The following CNGB1 variants were observed in gnomAD, a reference collection of about 807,000 sequenced individuals.
The protein encoded by CNGB1 is cyclic nucleotide gated channel subunit beta 1, also known as cyclic nucleotide-gated channel beta-1.
CNGB1 carries 126 observed loss-of-function variants against 151.7 expected under a neutral mutation model. That is an observed-to-expected ratio of 0.83 (90% CI 0.72 to 0.96). The LOEUF (loss-of-function observed/expected upper bound fraction) is 0.96. Ranked by LOEUF, CNGB1 falls within the 40% of genes least tolerant of loss-of-function variation. The probability of loss-of-function intolerance (pLI) is 0.00; values close to 1 mark genes in which losing one functional copy is unlikely to be tolerated. For synonymous variants in CNGB1, 623 were observed against 635.1 expected (o/e 0.98, Z 0.29); for missense variants, 1,698 against 1,627.0 (o/e 1.04, Z -0.75).
intron 31 of CNGB1, among the ~76,000 whole-genome samples, chr16:57,889,342 T>A (rs1960024377): frequency 6.6e-6 from 1 of 152,128 alleles, no homozygotes; most frequent in Non-Finnish European, 1.5e-5. Flanking sequence ...CCAGCTGTGT[T>A]GGAGAAGGCC....
chr16:57,884,560 G>A, intron 32 of CNGB1, 103 bp from the exon 33 acceptor site: 1 of 1,314,550 alleles, frequency 7.6e-7, no homozygotes, highest in Non-Finnish European at 1.1e-6. Flanking sequence ...CCCCAAAGAG[G>A]GCAGCGGAAC....
chr16:57,890,401 G>A (rs1056452920), intron 31 of CNGB1, among the ~76,000 whole-genome samples: 3 of 152,186 alleles, frequency 2.0e-5, no homozygotes, highest in Non-Finnish European at 4.4e-5. Flanking sequence ...AATTCATGAT[G>A]TGACAGCCCA....
chr16:57,917,553 G>T lies in CNGB1; in HGVS notation c.1958-77C>A. 4.2e-6 allele frequency: 6 copies of T among 1,428,336 alleles called. No homozygotes were observed. In the South Asian group the frequency reaches 4.6e-5, roughly 11 times the overall value. The allele number at this position is 1,428,336 out of a possible 1,614,324, so 88.5% of individuals were successfully genotyped here. A position where few individuals can be genotyped will look rare whatever the true frequency, so the allele number is the denominator to read the frequency against. ...CACCAGTTGGATCAGGTAGGGTTTT[G>T]TTCTTTCTACTCCTTCAACTACTAC... On this transcript the variant is annotated intron_variant, in intron 20 of 32. Coordinates refer to ENST00000251102, the MANE Select transcript of CNGB1 (RefSeq NM_001297.5).
chr16:57,960,282 C>T (rs1228353294), intron 9 of CNGB1, among the ~76,000 whole-genome samples, 200 bp downstream of exon 9: 1 of 152,200 alleles, frequency 6.6e-6, no homozygotes, highest in Non-Finnish European at 1.5e-5. Context: ...AAGTCTGTTC[C>T]AGGACACTGG....
chr16:57,921,948 CA>C (rs1961048411), intron 18 of CNGB1, among the ~76,000 whole-genome samples: 1 of 152,222 alleles, frequency 6.6e-6, no homozygotes, highest in Admixed American at 6.5e-5. Flanking sequence ...CTAGCTAATA[CA>C]TGGGTCTCCA....
rs765061130 is a variant in CNGB1 at position 57,897,872 on chromosome 16, C to T, written c.3019G>A (p.Val1007Met). ...REMYIIQAGQ[V>M]QVLGGPDGKS... ...CCATCAGGGCCGCCCAAGACCTGCA[C>T]TTGCCCTGCCTGGATGATGTACATC... Residue 1007 changes from valine (V) to methionine (M), a missense_variant, in exon 30 of 33, where the codon GTG (valine) becomes ATG (methionine). Physicochemically the swap from Val to Met is conservative, Grantham distance 21. Coordinates refer to ENST00000251102, the MANE Select transcript of CNGB1 (RefSeq NM_001297.5). 6.2e-7 allele frequency: 1 copy of T among 1,614,254 alleles called. No individual in the cohort carries two copies. Among genetic ancestry groups the T allele is most frequent in the Non-Finnish European group, 8.5e-7 (1 of 1,180,042 alleles).
At chr16:57,930,809 TAGAAAC>T (rs1961325766) in intron 17 of CNGB1, among the ~76,000 whole-genome samples, 1 of 152,002 alleles carries the variant, frequency 6.6e-6, no homozygotes, top group African/African-American at 2.4e-5. Flanking sequence ...GTCAAGCTCA[TAGAAAC>T]AGAAAGTAGA....
chr16:57,940,201 C>T, intron 15 of CNGB1, 33 bp downstream of exon 15: 1 of 1,540,866 alleles, frequency 6.5e-7, no homozygotes. Flanking sequence ...CAAGCCAGGC[C>T]TCAGAGGTGC....
Position 57,897,367 on chromosome 16 carries a change from T to C in CNGB1, c.3242+30A>G, listed in dbSNP as rs143936383. 487 of 1,613,762 alleles carry C rather than the reference T, an allele frequency of 3.0e-4. 8 individuals are homozygous for C. The South Asian group carries it at 5.1e-3, about 17-fold the overall frequency. ...AGAGAAATTCATTGTCCTTAGCAAT[T>C]TTTTATTAAACGAAAGAAAAGTTAC... On this transcript the variant is annotated intron_variant, in intron 31 of 32. Coordinates refer to ENST00000251102, the MANE Select transcript of CNGB1 (RefSeq NM_001297.5).
chr16:57,912,823 T>C, intron 24 of CNGB1, 107 bp downstream of exon 24: 1 of 1,088,092 alleles, frequency 9.2e-7, no homozygotes, highest in Non-Finnish European at 1.4e-6. Flanking sequence ...GTGTGTGTCG[T>C]GTGTGTGTTG....
rs1962326589 is a variant in CNGB1, at chr16:57,964,073, T to G, written c.290+57A>C. 57 of 1,535,712 alleles carry G rather than the reference T, an allele frequency of 3.7e-5. 1 individual carries two copies. The South Asian group carries it at 6.3e-4, about 17-fold the overall frequency. Reference sequence around the variant, plus strand: ...ACCCCCATCCCCAGGGCTCCCTAGCTGGGAGGGTAGTTGGGAGGCGGGCTG... The same window carrying G: ...ACCCCCATCCCCAGGGCTCCCTAGCGGGGAGGGTAGTTGGGAGGCGGGCTG... On this transcript the variant is annotated intron_variant, in intron 4 of 32. Coordinates refer to ENST00000251102, the MANE Select transcript of CNGB1 (RefSeq NM_001297.5).
At chr16:57,897,950 C>T (rs776483120) in intron 29 of CNGB1, 36 bp from the exon 30 acceptor site, 14 of 1,605,554 alleles carry the variant, frequency 8.7e-6, no homozygotes, top group Non-Finnish European at 1.1e-5. Context: ...TCTGTTCATC[C>T]CCCAAAGTCA....
intron 20 of CNGB1, 73 bp downstream of exon 20, chr16:57,919,026 C>T: frequency 6.2e-7 from 1 of 1,608,300 alleles, no homozygotes; most frequent in Non-Finnish European, 8.5e-7. Context: ...TCCCCTGACC[C>T]TCTCCCCATC....
intron 17 of CNGB1, among the ~76,000 whole-genome samples, chr16:57,923,844 C>A (rs949922276): frequency 6.6e-6 from 1 of 152,186 alleles, no homozygotes; most frequent in African/African-American, 2.4e-5. Context: ...TATCACACCA[C>A]CTTTTCAGCT....
chr16:57,917,381 G>A lies in CNGB1; in HGVS notation c.2053C>T (p.Pro685Ser), dbSNP rs1308922108. The change falls in exon 21 of 33, where the codon CCG (proline) becomes TCG (serine). Residue 685 changes from proline (P) to serine (S), a missense_variant. Physicochemically the swap from Pro to Ser is moderately conservative, Grantham distance 74. Coordinates refer to ENST00000251102, the MANE Select transcript of CNGB1 (RefSeq NM_001297.5). ...PVRWAFPYQT[P>S]DNIHHWLLMD... The stretch of plus-strand genomic sequence containing the variant: ...AGCAGCCAGTGGTGGATGTTGTCCG[G>A]GGTCTGGTAGGGGAAGGCCCAGCGC... 1.2e-6 allele frequency: 2 copies of A among 1,613,964 alleles called. No homozygotes were observed. Among genetic ancestry groups the A allele is most frequent in the Non-Finnish European group, 1.7e-6 (2 of 1,180,040 alleles).
chr16:57,931,632 T>A, intron 17 of CNGB1, 84 bp downstream of exon 17: 3 of 1,486,562 alleles, frequency 2.0e-6, no homozygotes, highest in Non-Finnish European at 2.8e-6. Flanking sequence ...CAGCTGCTTC[T>A]CCCTCTGGCC....
chr16:57,945,419 T>C (rs1961781884), intron 14 of CNGB1, among the ~76,000 whole-genome samples: 4 of 152,228 alleles, frequency 2.6e-5, no homozygotes. Flanking sequence ...GGGTCCTGCT[T>C]ATTCCAGTGT....
At chr16:57,925,079 T>C (rs247066) in intron 17 of CNGB1, among the ~76,000 whole-genome samples, 83,266 of 151,994 alleles carry the variant, frequency 0.55, 23,019 homozygotes, top group South Asian at 0.71. Flanking sequence ...CTCGGCTCAC[T>C]GCAACCTCCG....
Position 57,883,549 on chromosome 16 carries a change from G to A in CNGB1, c.*615C>T, listed in dbSNP as rs1250982714. Reference sequence around the variant, plus strand: ...AACCTCTCCAGTAGCTGGGACTACAGGTGCACACCATCACGCCTGGCTATT... The same window carrying A: ...AACCTCTCCAGTAGCTGGGACTACAAGTGCACACCATCACGCCTGGCTATT... On this transcript the variant is annotated 3_prime_UTR_variant, in exon 33 of 33. Coordinates refer to ENST00000251102, the MANE Select transcript of CNGB1 (RefSeq NM_001297.5). 6 of 166,758 alleles carry A rather than the reference G, an allele frequency of 3.6e-5. No individual in the cohort carries two copies. The highest frequency in any genetic ancestry group is 2.4e-4 in the Admixed American group (4 of 16,590). The allele number at this position is 166,758 out of a possible 1,614,324, so 10.3% of individuals were successfully genotyped here. A position where few individuals can be genotyped will look rare whatever the true frequency, so the allele number is the denominator to read the frequency against.
Sources: gnomAD v4.1 joint callset for allele counts (sites outside exome capture counted in the v4.1 genomes callset) on GRCh38, gnomAD v4.1.1 for gene constraint, MANE v1.5 for transcripts, NCBI Gene and HGNC (gene_info 2026-07-23, HGNC 2026-07-21) for gene names.